SHB: variants seen among roughly 807,000 people sequenced by gnomAD.
The protein encoded by SHB is SH2 domain-containing adapter protein B.
In SHB, 20 loss-of-function variants were observed where a neutral mutation model predicts 52.3. The ratio of observed to expected loss-of-function variants is 0.38; its 90% CI spans 0.27 to 0.56. SHB has a LOEUF of 0.56. SHB is among the 20% of genes least tolerant of loss of function. The pLI is 0.71. For missense variants in SHB, 825 were observed against 723.3 expected (o/e 1.14, Z -1.61); for synonymous variants, 397 against 316.5 (o/e 1.25, Z -2.70).
chr9:38,052,235 T>C (rs746201417), intron 1 of SHB, among the ~76,000 whole-genome samples: 9 of 151,058 alleles, frequency 6.0e-5, no homozygotes, highest in Non-Finnish European at 1.3e-4. Context: ...CCCCACGTCT[T>C]TCCTCATGGA....
chr9:37,981,036 G>A (rs1820717664), intron 2 of SHB, among the ~76,000 whole-genome samples: 2 of 152,186 alleles, frequency 1.3e-5, no homozygotes, highest in Admixed American at 6.5e-5. Flanking sequence ...AGGGCTCCAG[G>A]ATTTTTCAGA....
At chr9:37,994,777 T>C (rs1218399226) in intron 2 of SHB, among the ~76,000 whole-genome samples, 1 of 152,268 alleles carries the variant, frequency 6.6e-6, no homozygotes, top group Non-Finnish European at 1.5e-5. Context: ...AATCGGTTTA[T>C]GTCCACATGG....
chr9:37,946,336 C>T (rs1163572334), intron 5 of SHB, among the ~76,000 whole-genome samples: 1 of 152,242 alleles, frequency 6.6e-6, no homozygotes, highest in Admixed American at 6.5e-5. Context: ...AATGACGCTT[C>T]TGGCCCTCTG....
At position 37,919,251 on chromosome 9, in the gene SHB, C is replaced by G. The variant is rs1832143853; in HGVS notation, c.*570G>C. 2 of 152,874 alleles carry G rather than the reference C, an allele frequency of 1.3e-5. No individual in the cohort carries two copies. Among genetic ancestry groups the G allele is most frequent in the Admixed American group, 1.3e-4 (2 of 15,298 alleles). 9.5% of individuals were successfully genotyped at this position (152,874 alleles called of 1,614,324 possible). On this transcript the variant is annotated 3_prime_UTR_variant, in exon 6 of 6. Coordinates refer to ENST00000377707, the MANE Select transcript of SHB (RefSeq NM_003028.3). ...TTACACTGAGTGACTACAAGTAGATCAGTGGGCTTACCCATCTGTGTGTGA... is the reference window on the plus strand; with the variant it reads ...TTACACTGAGTGACTACAAGTAGATGAGTGGGCTTACCCATCTGTGTGTGA...
chr9:37,969,606 C>T (rs1419519691), intron 3 of SHB, among the ~76,000 whole-genome samples: 1 of 152,154 alleles, frequency 6.6e-6, no homozygotes, highest in Non-Finnish European at 1.5e-5. Context: ...GTGAAGACAC[C>T]GATTTGGTGT....
chr9:38,041,291 C>A (rs1251146230), intron 1 of SHB, among the ~76,000 whole-genome samples: 1 of 152,194 alleles, frequency 6.6e-6, no homozygotes, highest in Non-Finnish European at 1.5e-5. Context: ...GCACACGCAC[C>A]GGTGAATCCA....
At chr9:37,947,797 G>C (rs1170306386) in intron 5 of SHB, among the ~76,000 whole-genome samples, 1 of 152,254 alleles carries the variant, frequency 6.6e-6, no homozygotes, top group Non-Finnish European at 1.5e-5. Context: ...AAGTGGGACA[G>C]AGAGGATGCC....
Position 37,919,360 on chromosome 9 carries a change from G to A in SHB, c.*461C>T, listed in dbSNP as rs576019225. On this transcript the variant is annotated 3_prime_UTR_variant, in exon 6 of 6. Coordinates refer to ENST00000377707, the MANE Select transcript of SHB (RefSeq NM_003028.3). ...GCGGGGCGGGAACCCCGGGGCCTCCGGGACTCTCAAAGCACCAGCATTTGG... is the reference window on the plus strand; with the variant it reads ...GCGGGGCGGGAACCCCGGGGCCTCCAGGACTCTCAAAGCACCAGCATTTGG... 6.8e-5 allele frequency: 11 copies of A among 162,054 alleles called. No homozygotes were observed. Among genetic ancestry groups the A allele is most frequent in the South Asian group, 1.7e-4 (1 of 5,756 alleles). 10.0% of individuals were successfully genotyped at this position (162,054 alleles called of 1,614,324 possible).
intron 2 of SHB, among the ~76,000 whole-genome samples, chr9:38,000,975 C>T (rs184823064): frequency 2.6e-4 from 40 of 152,334 alleles, no homozygotes; most frequent in African/African-American, 9.6e-4. Flanking sequence ...CTGCCTGTCT[C>T]GCCAGGGTGG....
intron 1 of SHB, among the ~76,000 whole-genome samples, chr9:38,032,134 A>C (rs1470810815): frequency 6.6e-6 from 1 of 152,166 alleles, no homozygotes; most frequent in Non-Finnish European, 1.5e-5. Flanking sequence ...AACAGGCAGG[A>C]GGCTAAGGGA....
At chr9:37,930,767 T>A (rs1832303380) in intron 5 of SHB, among the ~76,000 whole-genome samples, 1 of 152,096 alleles carries the variant, frequency 6.6e-6, no homozygotes, top group African/African-American at 2.4e-5. Flanking sequence ...TGTGGAACCA[T>A]AAAAGACCCT....
At chr9:38,011,440 C>T (rs894802908) in intron 2 of SHB, among the ~76,000 whole-genome samples, 1 of 151,972 alleles carries the variant, frequency 6.6e-6, no homozygotes, top group African/African-American at 2.4e-5. Flanking sequence ...ATTAGCCAGG[C>T]CAGCACTGAG....
intron 1 of SHB, among the ~76,000 whole-genome samples, chr9:38,032,328 A>C (rs879182562): frequency 2.0e-5 from 3 of 152,220 alleles, no homozygotes; most frequent in Admixed American, 2.0e-4. Flanking sequence ...AAGGCTACGC[A>C]GGTTTCAACC....
chr9:37,958,823 G>C (rs1205833249), intron 3 of SHB, among the ~76,000 whole-genome samples: 1 of 152,210 alleles, frequency 6.6e-6, no homozygotes, highest in Non-Finnish European at 1.5e-5. Context: ...ACGGCACCCT[G>C]ATGGCAACCA....
chr9:38,056,623 C>T (rs1443629126), intron 1 of SHB, among the ~76,000 whole-genome samples: 4 of 152,214 alleles, frequency 2.6e-5, no homozygotes, highest in African/African-American at 4.8e-5. Context: ...TGAGCCACCG[C>T]GCCCACATGG....
chr9:38,026,449 C>T (rs1821345451), intron 1 of SHB, among the ~76,000 whole-genome samples: 1 of 152,246 alleles, frequency 6.6e-6, no homozygotes, highest in Non-Finnish European at 1.5e-5. Flanking sequence ...ATGACTCATG[C>T]ACATTTCCCA....
intron 2 of SHB, among the ~76,000 whole-genome samples, chr9:37,991,136 A>G (rs930351179): frequency 6.6e-6 from 1 of 152,226 alleles, no homozygotes; most frequent in Admixed American, 6.5e-5. Context: ...GATATTATCA[A>G]TATCTGTGAC....
chr9:37,974,699 G>A lies in SHB; in HGVS notation c.977C>T (p.Pro326Leu). The change falls in exon 3 of 6, where the codon CCC (proline) becomes CTC (leucine). Residue 326 changes from proline (P) to leucine (L), a missense_variant. Coordinates refer to ENST00000377707, the MANE Select transcript of SHB (RefSeq NM_003028.3). ...VSPRLRESKL[P>L]QDDDRPADEY... ...ATCGGCGGGCCTGTCGTCATCCTGG[G>A]GCAGCTTGCTCTCCCGCAGTCGGGG... The A allele has an allele frequency of 1.2e-6, 2 of 1,614,094 alleles. No homozygotes were observed. The highest frequency in any genetic ancestry group is 1.7e-4 in the Middle Eastern group (1 of 6,058).
chr9:38,044,339 G>A (rs1294592405), intron 1 of SHB, among the ~76,000 whole-genome samples: 1 of 152,190 alleles, frequency 6.6e-6, no homozygotes, highest in African/African-American at 2.4e-5. Context: ...CAATCTGGCT[G>A]CAACAACTCT....
Sources: gnomAD v4.1 joint callset for allele counts (sites outside exome capture counted in the v4.1 genomes callset) on GRCh38, gnomAD v4.1.1 for gene constraint, MANE v1.5 for transcripts, NCBI Gene and HGNC (gene_info 2026-07-23, HGNC 2026-07-21) for gene names.